Variants in KMT2C observed in about 807,000 individuals in gnomAD.
KMT2C encodes the protein histone-lysine N-methyltransferase 2C.
Under a neutral mutation model 507.9 loss-of-function variants are expected in KMT2C, and 88 were observed. The observed-to-expected ratio is 0.17, with a 90% confidence interval of 0.15 to 0.21. The LOEUF is 0.21. KMT2C is among the 10% of genes least tolerant of loss of function. The pLI is 1.00. For missense variants in KMT2C, 4,954 were observed against 5,957.8 expected (o/e 0.83, Z 5.55); for synonymous variants, 2,049 against 2,080.8 (o/e 0.98, Z 0.42).
In KMT2C at chr7:152,215,513, C is replaced by CAA. The variant is rs35751147; in HGVS notation, c.3712+5008_3712+5009dup. ...TGGGCGACACAGCAAGACTCTGTCT[C>CAA]AAAAAAAAAAAAAAAAAAAAAAAAA... On this transcript the variant is annotated intron_variant, in intron 23 of 58. Coordinates refer to ENST00000262189, the MANE Select transcript of KMT2C (RefSeq NM_170606.3). Among the ~76,000 whole-genome samples the CAA allele has an allele frequency of 4.0e-3, 105 of 25,952 alleles. 7 individuals are homozygous for CAA. The highest frequency in any genetic ancestry group is 0.024 in the Middle Eastern group (1 of 42). 17.0% of individuals were successfully genotyped at this position (25,952 alleles called of 152,430 possible). A position where few individuals can be genotyped will look rare whatever the true frequency, so the allele number is the denominator to read the frequency against.
At chr7:152,421,013 G>A (rs2097774271) in intron 1 of KMT2C, among the ~76,000 whole-genome samples, 1 of 150,750 alleles carries the variant, frequency 6.6e-6, no homozygotes, top group Non-Finnish European at 1.5e-5. Flanking sequence ...AGAATTTAAA[G>A]TATAATAAAA....
intron 1 of KMT2C, among the ~76,000 whole-genome samples, chr7:152,411,787 CT>C (rs2097687365): frequency 6.6e-6 from 1 of 152,294 alleles, no homozygotes; most frequent in African/African-American, 2.4e-5. Flanking sequence ...TCTAGGATTT[CT>C]TTAAATAATA....
At chr7:152,321,045 C>A (rs1057216401) in intron 3 of KMT2C, among the ~76,000 whole-genome samples, 4 of 151,866 alleles carry the variant, frequency 2.6e-5, no homozygotes, top group African/African-American at 9.7e-5. Context: ...ACCAGCCTGA[C>A]CAACATGGCG....
At chr7:152,160,961 T>G (rs1014816126) in intron 43 of KMT2C, among the ~76,000 whole-genome samples, 3 of 152,050 alleles carry the variant, frequency 2.0e-5, no homozygotes, top group African/African-American at 7.2e-5. Context: ...AGAACTGCAT[T>G]TCAAAAGATA....
chr7:152,222,347 G>C (rs1018909710), intron 21 of KMT2C, among the ~76,000 whole-genome samples: 1 of 152,184 alleles, frequency 6.6e-6, no homozygotes, highest in African/African-American at 2.4e-5. Context: ...CAAAATTATA[G>C]TTTACATCTA....
At chr7:152,169,588 T>G (rs1339962362) in intron 40 of KMT2C, among the ~76,000 whole-genome samples, 1 of 152,250 alleles carries the variant, frequency 6.6e-6, no homozygotes, top group Non-Finnish European at 1.5e-5. Flanking sequence ...CACTTTTTGA[T>G]GAAGTTTACC....
At chr7:152,323,255 C>T (rs985231831) in intron 3 of KMT2C, among the ~76,000 whole-genome samples, 1 of 151,920 alleles carries the variant, frequency 6.6e-6, no homozygotes, top group African/African-American at 2.4e-5. Flanking sequence ...TTACAATAGC[C>T]AGATATGGAA....
In KMT2C at chr7:152,169,205, A is replaced by C. The variant is rs1349254658; in HGVS notation, c.9498T>G (p.Asn3166Lys). 2 of 1,600,694 alleles carry C rather than the reference A, an allele frequency of 1.2e-6. No homozygotes were observed. The highest frequency in any genetic ancestry group is 2.2e-5 in the East Asian group (1 of 44,798). Residue 3166 changes from asparagine to lysine, a missense_variant, in exon 41 of 59, where the codon AAT becomes AAG. Physicochemically the swap from Asn to Lys is moderately conservative, Grantham distance 94 (BLOSUM62 0). Around this residue, in one of 29 missense-constraint regions of KMT2C, gnomAD observed 71 missense variants for 139.2 expected, o/e 0.51. Transcript: ENST00000262189. ...ACTTACTGACAAAGCCTGGACCAAA[A>C]TTTGGAGGATTAGGCCTAGAAATCT... ...THQISRPNPP[N>K]FGPGFVNDSQ...
At position 152,163,484 on chromosome 7, in the gene KMT2C, G is replaced by A. The variant is rs2129104508; in HGVS notation, c.10093C>T (p.Pro3365Ser). 6.2e-7 allele frequency: 1 copy of A among 1,614,108 alleles called. No homozygotes were observed. Among genetic ancestry groups the A allele is most frequent in the Non-Finnish European group, 8.5e-7 (1 of 1,179,946 alleles). The change falls in exon 43 of 59, where the codon CCA (proline) becomes TCA (serine). Residue 3365 changes from proline to serine, a missense_variant. Physicochemically the swap from Pro to Ser is moderately conservative, Grantham distance 74 (BLOSUM62 -1). Around this residue, in one of 29 missense-constraint regions of KMT2C, gnomAD observed 801 missense variants for 751.2 expected, o/e 1.07. Coordinates refer to ENST00000262189, the MANE Select transcript of KMT2C (RefSeq NM_170606.3). ...GCATTTGAGACTGTCCCTGGGGCTG[G>A]TGTACAAGTTTTTATTGGTAACTGG... The part of the protein sequence containing the change: ...IAQLPIKTCT[P>S]APGTVSNANP...
chr7:152,366,451 T>A (rs2097244767), intron 1 of KMT2C, among the ~76,000 whole-genome samples: 1 of 151,964 alleles, frequency 6.6e-6, no homozygotes, highest in Admixed American at 6.6e-5. Flanking sequence ...ACAACATAAA[T>A]GAACCTTGAC....
intron 7 of KMT2C, among the ~76,000 whole-genome samples, chr7:152,266,599 G>A (rs1269911659): frequency 1.4e-5 from 2 of 147,428 alleles, no homozygotes; most frequent in Admixed American, 1.3e-4. Flanking sequence ...TGACTCACAC[G>A]TTCTTTCTTT....
intron 42 of KMT2C, 97 bp downstream of exon 42, chr7:152,167,049 A>G: frequency 1.0e-6 from 1 of 965,654 alleles, no homozygotes; most frequent in Non-Finnish European, 1.6e-6. Context: ...AATACTAGTC[A>G]AAAAAAATCA....
Position 152,199,429 on chromosome 7 carries a change from T to C in KMT2C, c.4123A>G (p.Thr1375Ala), listed in dbSNP as rs774742766. 5 of 1,565,810 alleles carry C rather than the reference T, an allele frequency of 3.2e-6. No homozygotes were observed. In the African/African-American group the frequency reaches 5.6e-5, roughly 17 times the overall value. Residue 1375 changes from threonine (T) to alanine (A), a missense_variant, in exon 27 of 59, where the codon ACA becomes GCA. Around this residue, in one of 29 missense-constraint regions of KMT2C, gnomAD observed 140 missense variants for 118.4 expected, o/e 1.18. Transcript: ENST00000262189. ...AAACTTATCTTGCTTTGTCTACTTG[T>C]ATCTAGAAGATCTTTTCCAAAGAAA... ...EAFFGKDLLD[T>A]SRQSKISLDN...
rs2092768449 is a variant in KMT2C, at chr7:152,167,155, C to T, written c.9741G>A (p.Gln3247=). Residue 3247 remains glutamine, a synonymous_variant, in exon 42 of 59, where the codon CAG becomes CAA. Transcript: ENST00000262189. ...CAAACCTATTTATTACCTGTTCTAG[C>T]TGTTTCTGAACCATGCTTTGCTGTT... ...VTEQQSMVQK[Q]LEQIRKQQKE... 1.2e-6 allele frequency: 2 copies of T among 1,613,248 alleles called. No homozygotes were observed. The highest frequency in any genetic ancestry group is 3.3e-5 in the Admixed American group (2 of 60,004).
chr7:152,199,709 C>A (rs956107263), intron 26 of KMT2C, among the ~76,000 whole-genome samples: 1 of 152,082 alleles, frequency 6.6e-6, no homozygotes, highest in Non-Finnish European at 1.5e-5. Flanking sequence ...TAAAACCACA[C>A]AATTATACCA....
chr7:152,335,918 T>G (rs528985753), intron 2 of KMT2C, among the ~76,000 whole-genome samples: 50 of 151,272 alleles, frequency 3.3e-4, no homozygotes, highest in Admixed American at 1.5e-3. Flanking sequence ...GTTTTTTTGT[T>G]TTTTTTTTGT....
intron 23 of KMT2C, among the ~76,000 whole-genome samples, chr7:152,217,251 T>A (rs1328232986): frequency 6.6e-6 from 1 of 152,202 alleles, no homozygotes; most frequent in African/African-American, 2.4e-5. Flanking sequence ...CTTTCCCTAT[T>A]TTTTCTCCTG....
At position 152,163,150 on chromosome 7, in the gene KMT2C, T is replaced by C; in HGVS notation, c.10427A>G (p.Gln3476Arg). 6.2e-7 allele frequency: 1 copy of C among 1,614,188 alleles called. No homozygotes were observed. The highest frequency in any genetic ancestry group is 8.5e-7 in the Non-Finnish European group (1 of 1,180,030). ...LGPLQQSPQH[Q>R]QQMGQVLQQQ... ...CTGTAAAACCTGCCCCATTTGCTGT[T>C]GGTGTTGTGGAGACTGCTGAAGGGG... Residue 3476 changes from glutamine to arginine, a missense_variant, in exon 43 of 59, where the codon CAA (glutamine) becomes CGA (arginine). By Grantham distance (43) the Gln-to-Arg change is conservative. Transcript: ENST00000262189.
At chr7:152,424,192 C>T (rs551092977) in intron 1 of KMT2C, among the ~76,000 whole-genome samples, 2 of 152,224 alleles carry the variant, frequency 1.3e-5, no homozygotes, top group African/African-American at 4.8e-5. Flanking sequence ...TAGCTCACTG[C>T]AGCCTCCAAC....
Sources: allele counts gnomAD v4.1 joint callset (sites outside exome capture counted in the v4.1 genomes callset), GRCh38; gene constraint gnomAD v4.1.1; regional missense constraint gnomAD v4.1.1; transcripts MANE v1.5; gene names NCBI Gene and HGNC (gene_info 2026-07-23, HGNC 2026-07-21).